Variants in HLTF observed in about 807,000 individuals in gnomAD.
HLTF encodes helicase like transcription factor, also known as DNA-dependent ATPase/E3 ubiquitin-protein ligase HLTF.
A neutral mutation model predicts 129.4 loss-of-function variants in HLTF; 127 were observed. The ratio of observed to expected loss-of-function variants is 0.98; its 90% CI spans 0.85 to 1.14. HLTF has a LOEUF of 1.14. HLTF is among the 50% of genes most tolerant of loss of function. The pLI is 0.00. For synonymous variants in HLTF, 332 were observed against 388.8 expected, an observed-to-expected ratio of 0.85 and a Z score of 1.72; for missense variants, 1,139 against 1,187.1, an observed-to-expected ratio of 0.96 and a Z score of 0.60.
chr3:149,068,162 GTTTTT>G, intron 8 of HLTF, 73 bp downstream of exon 8: 1 of 616,930 alleles, frequency 1.6e-6, no homozygotes, highest in Non-Finnish European at 2.9e-6. Flanking sequence ...TTTCTTGGTA[GTTTTT>G]TTTAATGATG....
chr3:149,069,732 T>C (rs1435292709), intron 7 of HLTF, among the ~76,000 whole-genome samples: 1 of 152,152 alleles, frequency 6.6e-6, no homozygotes, highest in Non-Finnish European at 1.5e-5. Flanking sequence ...CACGACTGAG[T>C]GTCTGAAAGA....
Position 149,059,715 on chromosome 3 carries a change from G to C in HLTF, c.1375+3C>G. ...AAACTAGAAAACAAGGATATTTACTGACCCTTTTTCAACATTTTCTTTTTT... is the reference window on the plus strand; with the variant it reads ...AAACTAGAAAACAAGGATATTTACTCACCCTTTTTCAACATTTTCTTTTTT... On this transcript the variant is annotated splice_donor_region_variant and intron_variant, in intron 13 of 24. Transcript: ENST00000310053. The C allele has an allele frequency of 6.5e-7, 1 of 1,545,522 alleles. No individual in the cohort carries two copies. The highest frequency in any genetic ancestry group is 8.8e-7 in the Non-Finnish European group (1 of 1,134,044).
At chr3:149,085,027 G>T in intron 1 of HLTF, 138 bp from the exon 2 acceptor site, 1 of 663,364 alleles carries the variant, frequency 1.5e-6, no homozygotes, top group Non-Finnish European at 2.5e-6. Context: ...AGTTACTCTC[G>T]TTAAAGCAGG....
chr3:149,060,873 A>C lies in HLTF; in HGVS notation c.1161-15T>G. The C allele has an allele frequency of 1.9e-6, 3 of 1,575,968 alleles. No individual in the cohort carries two copies. The highest frequency in any genetic ancestry group is 2.6e-6 in the Non-Finnish European group (3 of 1,152,638). ...CAGTTTTTCTTCTAAAATTAAGTAT[A>C]CACAAAGAAATTTTTGGACCAACCC... is the stretch of plus-strand genomic sequence containing the variant. On this transcript the variant is annotated splice_polypyrimidine_tract_variant and intron_variant, in intron 10 of 24. Coordinates refer to ENST00000310053, the MANE Select transcript of HLTF (RefSeq NM_003071.4).
chr3:149,080,151 A>G (rs953393548), intron 2 of HLTF, among the ~76,000 whole-genome samples: 1 of 152,200 alleles, frequency 6.6e-6, no homozygotes, highest in African/African-American at 2.4e-5. Flanking sequence ...ATCCATATAC[A>G]CAGGAAGAAG....
Position 149,041,407 on chromosome 3 carries a change from A to G in HLTF, c.2376+83T>C, listed in dbSNP as rs113208202. On this transcript the variant is annotated intron_variant, in intron 20 of 24. Coordinates refer to ENST00000310053, the MANE Select transcript of HLTF (RefSeq NM_003071.4). ...GTATATTATTAAATCCAAGTGCAAA[A>G]CTCCATATACTATCTTTTATTATAT... 3.0e-5 allele frequency: 25 copies of G among 831,280 alleles called. No homozygotes were observed. The African/African-American group carries it at 3.4e-4, about 11-fold the overall frequency. The allele number at this position is 831,280 out of a possible 1,614,324, so 51.5% of individuals were successfully genotyped here.
chr3:149,078,806 G>A (rs1291669885), intron 2 of HLTF, among the ~76,000 whole-genome samples: 3 of 146,224 alleles, frequency 2.1e-5, no homozygotes, highest in Non-Finnish European at 4.5e-5. Flanking sequence ...GCAGTGAGCC[G>A]AGATCGTGCC....
chr3:149,043,374 C>G (rs1360638524), intron 18 of HLTF, among the ~76,000 whole-genome samples: 1 of 151,218 alleles, frequency 6.6e-6, no homozygotes, highest in African/African-American at 2.4e-5. Flanking sequence ...CTATGGAACA[C>G]AGATAAAAGA....
chr3:149,043,622 CAT>C (rs1165425627), intron 18 of HLTF, among the ~76,000 whole-genome samples: 2 of 147,392 alleles, frequency 1.4e-5, no homozygotes, highest in Admixed American at 1.4e-4. Flanking sequence ...ACAATGACAA[CAT>C]AGATTCTTAA....
At chr3:149,067,949 G>A (rs1003038333) in intron 8 of HLTF, among the ~76,000 whole-genome samples, 1 of 152,148 alleles carries the variant, frequency 6.6e-6, no homozygotes, top group East Asian at 1.9e-4. Flanking sequence ...TTCGAGACCA[G>A]CCTGGACAAC....
At chr3:149,051,136 GA>G (rs1716945740) in intron 14 of HLTF, among the ~76,000 whole-genome samples, 1 of 151,578 alleles carries the variant, frequency 6.6e-6, no homozygotes, top group South Asian at 2.1e-4. Context: ...AGGACTTGGG[GA>G]CTAATGAAAT....
intron 12 of HLTF, 77 bp downstream of exon 12, chr3:149,060,566 C>T: frequency 2.6e-6 from 3 of 1,167,634 alleles, no homozygotes; most frequent in Non-Finnish European, 3.7e-6. Flanking sequence ...ACATTCCAAC[C>T]TAGCGAGATA....
intron 15 of HLTF, 104 bp from the exon 16 acceptor site, chr3:149,049,105 A>G: frequency 1.3e-6 from 1 of 747,946 alleles, no homozygotes; most frequent in Non-Finnish European, 2.2e-6. Context: ...CAAATTTACT[A>G]TGTGCTAGGT....
chr3:149,079,634 C>T (rs572977604), intron 2 of HLTF, among the ~76,000 whole-genome samples: 101 of 152,138 alleles, frequency 6.6e-4, no homozygotes, highest in African/African-American at 2.2e-3. Context: ...CTTGCTGTCA[C>T]CAGGCTGGAG....
chr3:149,035,515 G>T (rs190779152), intron 23 of HLTF, among the ~76,000 whole-genome samples: 1 of 151,800 alleles, frequency 6.6e-6, no homozygotes, highest in African/African-American at 2.4e-5. Context: ...AAAATTAGCC[G>T]GGAGAGGTGG....
intron 2 of HLTF, among the ~76,000 whole-genome samples, chr3:149,078,252 T>C (rs1719554672): frequency 6.6e-6 from 1 of 152,192 alleles, no homozygotes. Context: ...TTATTTTAAA[T>C]ATGTTCAAAG....
intron 2 of HLTF, chr3:149,083,715 G>T (rs1487874219): frequency 6.7e-6 from 1 of 149,504 alleles, no homozygotes; most frequent in East Asian, 2.0e-4. Context: ...TTCCAGATCA[G>T]CCTGGACAAC....
At chr3:149,034,491 T>G (rs895669627) in intron 24 of HLTF, among the ~76,000 whole-genome samples, 2 of 152,276 alleles carry the variant, frequency 1.3e-5, no homozygotes, top group South Asian at 4.1e-4. Context: ...GAAAAAGTTC[T>G]GGAGATGGAT....
Position 149,071,603 on chromosome 3 carries a change from G to A in HLTF, c.682C>T (p.His228Tyr). 6.3e-7 allele frequency: 1 copy of A among 1,596,778 alleles called. No individual in the cohort carries two copies. The highest frequency in any genetic ancestry group is 8.6e-7 in the Non-Finnish European group (1 of 1,167,178). The change falls in exon 6 of 25, where the codon CAT becomes TAT. Residue 228 changes from histidine to tyrosine, a missense_variant. By Grantham distance (83) the His-to-Tyr change is moderately conservative. Coordinates refer to ENST00000310053, the MANE Select transcript of HLTF (RefSeq NM_003071.4). ...FEDLKEDDKT[H>Y]EMEPAEAIET... is the part of the protein sequence containing the mutation. ...AATACCTCAGCTGGTTCCATTTCAT[G>A]GGTTTTATCATCTTCTTTTAAATCT... is the stretch of plus-strand genomic sequence containing the variant.
Sources: gnomAD v4.1 joint callset for allele counts (sites outside exome capture counted in the v4.1 genomes callset) on GRCh38, gnomAD v4.1.1 for gene constraint, MANE v1.5 for transcripts, NCBI Gene and HGNC (gene_info 2026-07-23, HGNC 2026-07-21) for gene names.